Variants in ABCB11 observed in about 807,000 individuals in gnomAD.
ABCB11 encodes the protein ATP binding cassette subfamily B member 11, also known as bile salt export pump.
Under a neutral mutation model 148.0 loss-of-function variants are expected in ABCB11, and 95 were observed. The observed-to-expected ratio is 0.64, with a 90% confidence interval of 0.54 to 0.76. The LOEUF (loss-of-function observed/expected upper bound fraction) is 0.76, where lower values mean the gene tolerates loss of function less well. ABCB11 is among the 30% of genes least tolerant of loss of function. ABCB11 has a pLI of 0.00. For missense variants in ABCB11, 1,523 were observed against 1,617.8 expected (o/e 0.94, Z 1.01); for synonymous variants, 591 against 555.4 (o/e 1.06, Z -0.90).
intron 19 of ABCB11, among the ~76,000 whole-genome samples, chr2:168,954,236 T>C (rs1692689551): frequency 7.1e-6 from 1 of 141,522 alleles, no homozygotes; most frequent in African/African-American, 2.5e-5. Flanking sequence ...GTTTTTTTTG[T>C]CTTTGTAGTT....
intron 10 of ABCB11, among the ~76,000 whole-genome samples, chr2:168,984,180 C>A (rs915497693): frequency 3.3e-5 from 5 of 152,098 alleles, no homozygotes; most frequent in African/African-American, 9.7e-5. Context: ...GGATAAGAAG[C>A]CTTCCTGGAC....
chr2:168,971,547 T>G (rs1297245306), intron 14 of ABCB11, among the ~76,000 whole-genome samples: 2 of 152,048 alleles, frequency 1.3e-5, no homozygotes, highest in Admixed American at 6.6e-5. Flanking sequence ...ATAAGGACAT[T>G]GGATCTATGT....
chr2:168,919,106 T>C (rs1000435619), downstream of ABCB11, among the ~76,000 whole-genome samples: 1 of 152,170 alleles, frequency 6.6e-6, no homozygotes, highest in Non-Finnish European at 1.5e-5. Flanking sequence ...AGTTCTTTTT[T>C]TACCCATGTC....
intron 18 of ABCB11, among the ~76,000 whole-genome samples, chr2:168,961,892 A>C (rs190133766): frequency 1.3e-5 from 2 of 151,834 alleles, no homozygotes; most frequent in African/African-American, 2.4e-5. Flanking sequence ...ATCTACAGAA[A>C]GTAAGGTTAG....
At chr2:168,968,204 C>A (rs2105954784) in intron 17 of ABCB11, among the ~76,000 whole-genome samples, 1 of 147,900 alleles carries the variant, frequency 6.8e-6, no homozygotes, top group Middle Eastern at 3.4e-3. Flanking sequence ...CCATTGTAAC[C>A]CTTATCCCCA....
chr2:168,994,016 C>G, intron 7 of ABCB11, 134 bp from the exon 8 acceptor site: 1 of 739,778 alleles, frequency 1.4e-6, no homozygotes, highest in Non-Finnish European at 2.1e-6. Context: ...TTAACAGCCT[C>G]TCAGATCTTG....
chr2:168,981,909 T>C (rs1694148149), intron 10 of ABCB11, among the ~76,000 whole-genome samples: 2 of 152,192 alleles, frequency 1.3e-5, no homozygotes, highest in Admixed American at 6.5e-5. Flanking sequence ...ATTTGGCCTG[T>C]CGACCATAGT....
intron 12 of ABCB11, among the ~76,000 whole-genome samples, chr2:168,974,396 G>C (rs376717412): frequency 6.6e-6 from 1 of 151,896 alleles, no homozygotes; most frequent in South Asian, 2.1e-4. Flanking sequence ...TAGGTCTTGC[G>C]AGGAAAGAAT....
chr2:168,974,117 A>G (rs558501077), intron 12 of ABCB11, among the ~76,000 whole-genome samples: 2 of 152,164 alleles, frequency 1.3e-5, no homozygotes, highest in South Asian at 4.1e-4. Flanking sequence ...AGTAAATAAG[A>G]CATGTTAACT....
chr2:168,967,060 A>G (rs776655489), intron 17 of ABCB11, among the ~76,000 whole-genome samples: 2 of 151,928 alleles, frequency 1.3e-5, no homozygotes, highest in African/African-American at 2.4e-5. Context: ...CATAAGAAAC[A>G]TGTCCACTTT....
intron 19 of ABCB11, among the ~76,000 whole-genome samples, chr2:168,948,355 C>T (rs932850566): frequency 6.6e-6 from 1 of 151,724 alleles, no homozygotes; most frequent in Non-Finnish European, 1.5e-5. Context: ...AAATGCACTT[C>T]CCCAGCTTCT....
At chr2:168,996,323 C>A (rs1442890485) in intron 6 of ABCB11, among the ~76,000 whole-genome samples, 1 of 151,990 alleles carries the variant, frequency 6.6e-6, no homozygotes, top group Non-Finnish European at 1.5e-5. Context: ...TCAAGCTACT[C>A]AACTGCCCCC....
intron 17 of ABCB11, among the ~76,000 whole-genome samples, chr2:168,965,040 T>C (rs951847042): frequency 6.6e-6 from 1 of 151,886 alleles, no homozygotes; most frequent in East Asian, 2.0e-4. Flanking sequence ...AAGAATGTGG[T>C]AAGTGCTATT....
At chr2:168,917,789 T>C (rs990342492), downstream of ABCB11, among the ~76,000 whole-genome samples, 2 of 152,196 alleles carry the variant, frequency 1.3e-5, no homozygotes, top group Admixed American at 1.3e-4. Context: ...ACTAGAGAAT[T>C]CATGAACCTG....
chr2:169,019,907 A>G (rs967212616), intron 1 of ABCB11, among the ~76,000 whole-genome samples: 8 of 152,216 alleles, frequency 5.3e-5, no homozygotes, highest in Non-Finnish European at 1.2e-4. Context: ...TCAAAGTCAG[A>G]GGGTTTACAC....
At position 168,990,897 on chromosome 2, in the gene ABCB11, A is replaced by C; in HGVS notation, c.812T>G (p.Leu271Arg). 1 of 1,613,150 alleles carries C rather than the reference A, an allele frequency of 6.2e-7. No individual in the cohort carries two copies. The highest frequency in any genetic ancestry group is 8.5e-7 in the Non-Finnish European group (1 of 1,179,372). ...LSVSKFTDYELKAYAKAGVVA... is the reference protein window; with the variant it reads ...LSVSKFTDYERKAYAKAGVVA... Reference sequence around the variant, plus strand: ...CACCCCTGCTTTGGCATAGGCCTTCAGCTCATAGTCCGTAAACTTGGACAC... The same window carrying C: ...CACCCCTGCTTTGGCATAGGCCTTCCGCTCATAGTCCGTAAACTTGGACAC... Residue 271 changes from leucine to arginine, a missense_variant, in exon 9 of 28, where the codon CTG becomes CGG. Transcript: ENST00000650372.
chr2:168,971,099 C>T, intron 14 of ABCB11, among the ~76,000 whole-genome samples: 1 of 107,158 alleles, frequency 9.3e-6, no homozygotes, highest in Non-Finnish European at 2.1e-5. Flanking sequence ...TCAGTATGAA[C>T]CTTGTCTTTA....
intron 13 of ABCB11, among the ~76,000 whole-genome samples, chr2:168,973,342 T>C (rs1463414893): frequency 6.6e-6 from 1 of 152,034 alleles, no homozygotes; most frequent in East Asian, 1.9e-4. Flanking sequence ...TTACTAAATA[T>C]CAATCATTTC....
At chr2:169,015,159 C>T (rs141771772) in intron 3 of ABCB11, among the ~76,000 whole-genome samples, 2 of 152,178 alleles carry the variant, frequency 1.3e-5, no homozygotes, top group Non-Finnish European at 2.9e-5. Context: ...AGCCAAGGTC[C>T]CTCTGCCAGG....
Sources: allele counts gnomAD v4.1 joint callset (sites outside exome capture counted in the v4.1 genomes callset), GRCh38; gene constraint gnomAD v4.1.1; transcripts MANE v1.5; gene names NCBI Gene and HGNC (gene_info 2026-07-23, HGNC 2026-07-21).